Variants in WWP1 observed in about 807,000 individuals in gnomAD.
WWP1 encodes the protein WW domain containing E3 ubiquitin protein ligase 1.
Under a neutral mutation model 130.6 loss-of-function variants are expected in WWP1, and 49 were observed. The observed-to-expected ratio is 0.38, with a 90% CI of 0.30 to 0.48. The LOEUF is 0.48. Ranked by LOEUF, WWP1 falls within the 20% of genes least tolerant of loss-of-function variation. The probability of loss-of-function intolerance (pLI) is 0.99; values close to 1 mark genes in which losing one functional copy is unlikely to be tolerated. For synonymous variants in WWP1, 332 were observed against 367.8 expected (o/e 0.90, Z 1.11); for missense variants, 809 against 1,100.6 (o/e 0.74, Z 3.75).
intron 9 of WWP1, among the ~76,000 whole-genome samples, chr8:86,424,210 C>T (rs1186785556): frequency 6.0e-5 from 9 of 149,090 alleles, no homozygotes; most frequent in South Asian, 2.1e-4. Context: ...CCAGACGGGG[C>T]GGCGGGGCAG....
chr8:86,409,817 G>A (rs1808488456), intron 8 of WWP1, among the ~76,000 whole-genome samples: 1 of 151,844 alleles, frequency 6.6e-6, no homozygotes, highest in African/African-American at 2.4e-5. Context: ...CTGTGATTGT[G>A]CCACTGCACT....
chr8:86,396,348 C>T (rs113911593), intron 5 of WWP1, among the ~76,000 whole-genome samples: 1 of 152,328 alleles, frequency 6.6e-6, no homozygotes, highest in East Asian at 1.9e-4. Context: ...ATCCGCCCGC[C>T]TCGGCCTCCC....
chr8:86,426,627 G>A (rs1809639776), intron 10 of WWP1, among the ~76,000 whole-genome samples: 1 of 152,112 alleles, frequency 6.6e-6, no homozygotes, highest in African/African-American at 2.4e-5. Context: ...AGGATCTCAG[G>A]GAAATGAGGC....
At chr8:86,372,890 T>TTA (rs1169241902) in intron 2 of WWP1, among the ~76,000 whole-genome samples, 3 of 152,166 alleles carry the variant, frequency 2.0e-5, no homozygotes, top group African/African-American at 7.2e-5. Flanking sequence ...CTGCTCTTTA[T>TTA]TAACTCCTTT....
intron 1 of WWP1, among the ~76,000 whole-genome samples, chr8:86,346,733 A>C (rs1374990738): frequency 6.6e-6 from 1 of 152,232 alleles, no homozygotes; most frequent in Non-Finnish European, 1.5e-5. Flanking sequence ...GTATAAAAAT[A>C]TGATACAATT....
At chr8:86,450,232 T>C (rs1160686109) in intron 20 of WWP1, among the ~76,000 whole-genome samples, 1 of 152,240 alleles carries the variant, frequency 6.6e-6, no homozygotes, top group Admixed American at 6.5e-5. Context: ...TTCTTATTTT[T>C]CTGCTAAACC....
chr8:86,374,207 A>T, intron 3 of WWP1, 87 bp downstream of exon 3: 1 of 1,135,586 alleles, frequency 8.8e-7, no homozygotes, highest in Non-Finnish European at 1.3e-6. Context: ...CCAGAAATAG[A>T]ATTTCTTTTA....
At chr8:86,364,917 TAC>T (rs1281142122) in intron 1 of WWP1, among the ~76,000 whole-genome samples, 1 of 151,384 alleles carries the variant, frequency 6.6e-6, no homozygotes, top group Non-Finnish European at 1.5e-5. Flanking sequence ...AAATTAAAAA[TAC>T]AATTGAGTAG....
Position 86,430,805 on chromosome 8 carries a change from A to G in WWP1, c.1387+54A>G, listed in dbSNP as rs1415393250. ...GGGAGATATATATCTCTCCATATAT[A>G]TATATATATATATATATATATATAT... On this transcript the variant is annotated intron_variant, in intron 12 of 24. Coordinates refer to ENST00000517970, the MANE Select transcript of WWP1 (RefSeq NM_007013.4). 3 of 55,346 alleles carry G rather than the reference A, an allele frequency of 5.4e-5. No individual in the cohort carries two copies. The Admixed American group carries it at 5.5e-4, about 10-fold the overall frequency. 3.4% of individuals were successfully genotyped at this position (55,346 alleles called of 1,614,324 possible). A position where few individuals can be genotyped will look rare whatever the true frequency, so the allele number is the denominator to read the frequency against.
chr8:86,384,911 C>T (rs1825191208), intron 5 of WWP1, among the ~76,000 whole-genome samples: 1 of 151,998 alleles, frequency 6.6e-6, no homozygotes, highest in Non-Finnish European at 1.5e-5. Context: ...GTAGTCCCAA[C>T]TACTTGGGAG....
In WWP1 at chr8:86,438,812, G is replaced by A. The variant is rs141900499; in HGVS notation, c.1838+139G>A. ...CAGAATTTTTCTCAAAAATACACAC[G>A]GTAACCATTATTATTATTACTACTC... On this transcript the variant is annotated intron_variant, in intron 17 of 24. Coordinates refer to ENST00000517970, the MANE Select transcript of WWP1 (RefSeq NM_007013.4). The A allele has an allele frequency of 3.4e-3, 2,071 of 600,734 alleles. 40 individuals carry two copies. In the African/African-American group the frequency reaches 0.035, roughly 10 times the overall value. The allele number at this position is 600,734 out of a possible 1,614,324, so 37.2% of individuals were successfully genotyped here.
At chr8:86,394,197 G>A (rs2130457980) in intron 5 of WWP1, among the ~76,000 whole-genome samples, 1 of 152,338 alleles carries the variant, frequency 6.6e-6, no homozygotes. Flanking sequence ...ATAGAAGTCT[G>A]TGAAACATGT....
Position 86,366,340 on chromosome 8 carries a change from G to A in WWP1, c.-114-2599G>A, listed in dbSNP as rs571649975. 5.9e-5 allele frequency among the ~76,000 whole-genome samples: 9 copies of A among 152,324 alleles called. 1 individual carries two copies. Among genetic ancestry groups the A allele is most frequent in the Admixed American group, 5.9e-4 (9 of 15,298 alleles). ...TGGGGTATGATGGCATGGGGATGAT[G>A]GGTGATGGCATGGGCCAGGGAAGAA... On this transcript the variant is annotated intron_variant, in intron 1 of 24. Coordinates refer to ENST00000517970, the MANE Select transcript of WWP1 (RefSeq NM_007013.4).
chr8:86,358,182 G>A (rs746478113), intron 1 of WWP1, among the ~76,000 whole-genome samples: 6 of 152,058 alleles, frequency 3.9e-5, no homozygotes, highest in Admixed American at 6.6e-5. Context: ...TGTATTGGAC[G>A]TTTTTCTATT....
chr8:86,448,220 C>T lies in WWP1; in HGVS notation c.2071C>T (p.Leu691Phe), dbSNP rs1810988994. Residue 691 changes from leucine to phenylalanine, a missense_variant, in exon 19 of 25, where the codon CTT (leucine) becomes TTT (phenylalanine). By Grantham distance (22) the Leu-to-Phe change is conservative (BLOSUM62 0). This residue lies in a region of WWP1 where 450 missense variants were observed against 674.2 expected (regional missense o/e 0.67). Transcript: ENST00000517970. ...PFYKRMLSKK[L>F]TIKDLESIDT... The stretch of plus-strand genomic sequence containing the variant: ...CTACAAGCGTATGTTAAGTAAAAAA[C>T]TTACTATTAAGGATTTGGAATCTAT... 1 of 1,582,296 alleles carries T rather than the reference C, an allele frequency of 6.3e-7. No homozygotes were observed. The highest frequency in any genetic ancestry group is 1.4e-5 in the African/African-American group (1 of 72,722).
In WWP1 at chr8:86,452,590, G is replaced by A; in HGVS notation, c.2305G>A (p.Val769Ile). ...LMTEWRFSRGVQEQTKAFLDG... is the reference protein window; with the variant it reads ...LMTEWRFSRGIQEQTKAFLDG... ...GACAGAATGGCGTTTTTCTCGAGGA[G>A]TACAAGAACAGACCAAAGCTTTCCT... The change falls in exon 21 of 25, where the codon GTA (valine) becomes ATA (isoleucine). Residue 769 changes from valine (V) to isoleucine (I), a missense_variant. Coordinates refer to ENST00000517970, the MANE Select transcript of WWP1 (RefSeq NM_007013.4). The A allele has an allele frequency of 2.5e-6, 4 of 1,612,422 alleles. No homozygotes were observed. The highest frequency in any genetic ancestry group is 3.4e-6 in the Non-Finnish European group (4 of 1,179,154).
At chr8:86,429,823 C>T (rs186093427) in intron 11 of WWP1, among the ~76,000 whole-genome samples, 2 of 152,184 alleles carry the variant, frequency 1.3e-5, no homozygotes, top group East Asian at 3.9e-4. Flanking sequence ...GTATTGATGC[C>T]AGTGTATTAT....
chr8:86,352,805 G>C (rs1374795925), intron 1 of WWP1, among the ~76,000 whole-genome samples: 1 of 152,218 alleles, frequency 6.6e-6, no homozygotes, highest in African/African-American at 2.4e-5. Context: ...TTGATACAGG[G>C]TGATTACAGT....
chr8:86,410,347 G>C (rs1233790419), intron 8 of WWP1, among the ~76,000 whole-genome samples: 3 of 152,130 alleles, frequency 2.0e-5, no homozygotes, highest in Non-Finnish European at 4.4e-5. Context: ...TTCCATTGCT[G>C]CTCTGATTTG....
Sources: gnomAD v4.1 joint callset for allele counts (sites outside exome capture counted in the v4.1 genomes callset) on GRCh38, gnomAD v4.1.1 for gene constraint, gnomAD v4.1.1 regional missense constraint, MANE v1.5 for transcripts, NCBI Gene and HGNC (gene_info 2026-07-23, HGNC 2026-07-21) for gene names.